The following FAT4 variants were observed in gnomAD, a reference collection of about 807,000 sequenced individuals.
The protein encoded by FAT4 is FAT atypical cadherin 4.
In FAT4, 84 loss-of-function variants were observed where a neutral mutation model predicts 303.9. The observed-to-expected ratio is 0.28, with a 90% CI of 0.23 to 0.33. The LOEUF (loss-of-function observed/expected upper bound fraction) is 0.33, where lower values mean the gene tolerates loss of function less well. FAT4 is among the 10% of genes least tolerant of loss of function. The pLI is 1.00. For missense variants in FAT4, 6,005 were observed against 6,146.8 expected, an observed-to-expected ratio of 0.98 and a Z score of 0.77; for synonymous variants, 2,307 against 2,298.8, an observed-to-expected ratio of 1.00 and a Z score of -0.10.
chr4:125,407,005 A>C lies in FAT4; in HGVS notation c.5433A>C (p.Ser1811=). 6.2e-7 allele frequency: 1 copy of C among 1,613,848 alleles called. No homozygotes were observed. The highest frequency in any genetic ancestry group is 1.7e-4 in the Middle Eastern group (1 of 6,056). The change falls in exon 4 of 18, where the codon TCA becomes TCC. Residue 1811 remains serine, a synonymous_variant. Transcript: ENST00000394329. ...RLDRERRSKY[S]LLVRADDGLQ... ...ACAGGGAACGCCGCTCCAAATATTC[A>C]CTGCTAGTTCGTGCTGATGATGGTC...
chr4:125,459,261 T>G (rs1327682802), intron 10 of FAT4, among the ~76,000 whole-genome samples: 1 of 152,070 alleles, frequency 6.6e-6, no homozygotes, highest in African/African-American at 2.4e-5. Context: ...AATTTAGCTC[T>G]ATTTCACATA....
intron 2 of FAT4, among the ~76,000 whole-genome samples, chr4:125,383,459 G>A (rs933214766): frequency 4.6e-5 from 7 of 152,056 alleles, no homozygotes; most frequent in African/African-American, 1.7e-4. Flanking sequence ...TGTCTTATAT[G>A]GGTGCAGCTT....
chr4:125,392,845 T>G (rs1734025030), intron 2 of FAT4, among the ~76,000 whole-genome samples: 2 of 152,200 alleles, frequency 1.3e-5, no homozygotes, highest in Admixed American at 1.3e-4. Flanking sequence ...AGACATTGTG[T>G]CTTAGGCACA....
chr4:125,372,685 T>C (rs1432747793), intron 2 of FAT4, among the ~76,000 whole-genome samples: 2 of 152,180 alleles, frequency 1.3e-5, no homozygotes, highest in African/African-American at 2.4e-5. Context: ...ATGTTGAATG[T>C]GGAATATTTA....
intron 7 of FAT4, among the ~76,000 whole-genome samples, chr4:125,421,138 G>C (rs1239914973): frequency 1.3e-5 from 2 of 152,110 alleles, no homozygotes; most frequent in African/African-American, 2.4e-5. Flanking sequence ...TGCCAGGCTG[G>C]TCTCGAACCC....
Position 125,318,738 on chromosome 4 carries a change from A to T in FAT4, c.2327A>T (p.Gln776Leu). ...TDGGNLQSPN[Q>L]AIVTITVLDT... ...GGTGGCAATTTACAATCTCCCAACCAGGCAATAGTAACCATCACTGTATTG... is the reference window on the plus strand; with the variant it reads ...GGTGGCAATTTACAATCTCCCAACCTGGCAATAGTAACCATCACTGTATTG... The change falls in exon 2 of 18, where the codon CAG (glutamine) becomes CTG (leucine). Residue 776 changes from glutamine to leucine, a missense_variant. Transcript: ENST00000394329. 6.2e-7 allele frequency: 1 copy of T among 1,614,052 alleles called. No homozygotes were observed. Among genetic ancestry groups the T allele is most frequent in the Non-Finnish European group, 8.5e-7 (1 of 1,179,926 alleles).
chr4:125,316,448 T>G lies in FAT4; in HGVS notation c.37T>G (p.Trp13Gly). ...ACCAGACAGGGCTACTGGCCGCCCG[T>G]GGCTCCCGTTGCACACTCTATCAGT... is the stretch of plus-strand genomic sequence containing the variant. ...LAPDRATGRPWLPLHTLSVSQ... is the reference protein window; with the variant it reads ...LAPDRATGRPGLPLHTLSVSQ... The change falls in exon 2 of 18, where the codon TGG (tryptophan) becomes GGG (glycine). Residue 13 changes from tryptophan to glycine, a missense_variant. Trp to Gly is a radical substitution (Grantham distance 184). Coordinates refer to ENST00000394329, the MANE Select transcript of FAT4 (RefSeq NM_001291303.3). The surrounding 1 kb of genome is among the most constrained non-coding windows in gnomAD (Gnocchi z 5.7). 1 of 1,613,410 alleles carries G rather than the reference T, an allele frequency of 6.2e-7. No individual in the cohort carries two copies.
At chr4:125,380,887 C>A (rs1212584052) in intron 2 of FAT4, among the ~76,000 whole-genome samples, 1 of 152,134 alleles carries the variant, frequency 6.6e-6, no homozygotes, top group Non-Finnish European at 1.5e-5. Context: ...TATTTCAGGG[C>A]AGGAAAACCT....
intron 2 of FAT4, among the ~76,000 whole-genome samples, chr4:125,341,335 G>A (rs1406738360): frequency 1.3e-5 from 2 of 152,096 alleles, no homozygotes; most frequent in African/African-American, 4.8e-5. Flanking sequence ...GGTGGCCTGA[G>A]GCAGTGGTTA....
chr4:125,346,335 G>C (rs1732002050), intron 2 of FAT4, among the ~76,000 whole-genome samples: 1 of 151,836 alleles, frequency 6.6e-6, no homozygotes, highest in Non-Finnish European at 1.5e-5. Context: ...TAAGCTTTGG[G>C]AAATAGAGAA....
rs780363037 is a variant in FAT4, at chr4:125,479,771, C to T, written c.12510C>T (p.Arg4170=). 3.8e-6 allele frequency: 6 copies of T among 1,598,784 alleles called. No individual in the cohort carries two copies. The East Asian group carries it at 8.9e-5, about 24-fold the overall frequency. The part of the protein sequence containing the change: ...QCPRLEGACT[R]SPCQHGGTCM... Reference sequence around the variant, plus strand: ...CTAGGCTGGAAGGCGCTTGTACTCGCAGCCCATGCCAACATGGTGGCACAT... The same window carrying T: ...CTAGGCTGGAAGGCGCTTGTACTCGTAGCCCATGCCAACATGGTGGCACAT... The change falls in exon 15 of 18, where the codon CGC becomes CGT. Residue 4170 remains arginine (R), a synonymous_variant. Transcript: ENST00000394329.
intron 3 of FAT4, among the ~76,000 whole-genome samples, chr4:125,400,700 C>G (rs1019533208): frequency 1.5e-5 from 1 of 65,638 alleles, no homozygotes; most frequent in Non-Finnish European, 2.9e-5. Flanking sequence ...TTCTACTGAG[C>G]TTTGTTTTTT....
At chr4:125,452,932 T>A in intron 10 of FAT4, 122 bp downstream of exon 10, 2 of 1,226,172 alleles carry the variant, frequency 1.6e-6, no homozygotes, top group Non-Finnish European at 2.3e-6. Flanking sequence ...ACAAATGTTT[T>A]TAAACATTTA....
rs778113414 is a variant in FAT4 at position 125,451,378 on chromosome 4, T to C, written c.10368T>C (p.Ser3456=). 6.2e-7 allele frequency: 1 copy of C among 1,614,162 alleles called. No individual in the cohort carries two copies. Among genetic ancestry groups the C allele is most frequent in the South Asian group, 1.1e-5 (1 of 91,082 alleles). ...CAGGGAATGAAAATGGTGCCTTTTC[T>C]ATTAATCCGCAGACAGGACAGATCA... The part of the protein sequence containing the change: ...IGSGNENGAF[S]INPQTGQITV... Residue 3456 remains serine, a synonymous_variant, in exon 10 of 18, where the codon TCT becomes TCC. Transcript: ENST00000394329.
intron 2 of FAT4, among the ~76,000 whole-genome samples, chr4:125,346,436 A>T (rs1732007467): frequency 6.6e-6 from 1 of 152,004 alleles, no homozygotes; most frequent in Non-Finnish European, 1.5e-5. Flanking sequence ...CAAACCAATG[A>T]GCACAAAACC....
At chr4:125,429,403 G>A (rs1405976184) in intron 7 of FAT4, among the ~76,000 whole-genome samples, 1 of 152,090 alleles carries the variant, frequency 6.6e-6, no homozygotes, top group Non-Finnish European at 1.5e-5. Context: ...GACGTGACTG[G>A]AGTACGTTGA....
At position 125,450,289 on chromosome 4, in the gene FAT4, A is replaced by C. The variant is rs769424345; in HGVS notation, c.9279A>C (p.Gln3093His). 35 of 1,613,950 alleles carry C rather than the reference A, an allele frequency of 2.2e-5. No individual in the cohort carries two copies. The highest frequency in any genetic ancestry group is 6.7e-5 in the Admixed American group (4 of 59,984). Reference protein sequence around the residue: ...EENYHTPEFSQSHMSATIPES... With the variant: ...EENYHTPEFSHSHMSATIPES... Reference sequence around the variant, plus strand: ...ACTACCATACACCTGAATTCTCTCAAAGCCACATGAGTGCAACCATCCCTG... The same window carrying C: ...ACTACCATACACCTGAATTCTCTCACAGCCACATGAGTGCAACCATCCCTG... The change falls in exon 10 of 18, where the codon CAA becomes CAC. Residue 3093 changes from glutamine to histidine, a missense_variant. By Grantham distance (24) the Gln-to-His change is conservative. Transcript: ENST00000394329.
intron 2 of FAT4, among the ~76,000 whole-genome samples, chr4:125,358,604 C>T (rs1732527826): frequency 6.6e-6 from 1 of 152,058 alleles, no homozygotes; most frequent in African/African-American, 2.4e-5. Context: ...TGACAGGAGG[C>T]AGAGCTCAGG....
chr4:125,465,552 A>G (rs567044792), intron 11 of FAT4, among the ~76,000 whole-genome samples: 1 of 152,240 alleles, frequency 6.6e-6, no homozygotes, highest in South Asian at 2.1e-4. Flanking sequence ...TGAGTTGCAA[A>G]TTTGGGGATT....
Sources: allele counts gnomAD v4.1 joint callset (sites outside exome capture counted in the v4.1 genomes callset), GRCh38; gene constraint gnomAD v4.1.1; non-coding constraint Gnocchi (gnomAD v3.1); transcripts MANE v1.5; gene names NCBI Gene and HGNC (gene_info 2026-07-23, HGNC 2026-07-21).